Variants in OTP observed in about 807,000 individuals in gnomAD.
OTP encodes the protein orthopedia homeobox, also known as homeobox protein orthopedia.
Under a neutral mutation model 22.3 loss-of-function variants are expected in OTP, and 5 were observed. That is an observed-to-expected ratio of 0.22 (90% CI 0.12 to 0.47). OTP has a LOEUF of 0.47. OTP is among the 20% of genes least tolerant of loss of function. OTP has a pLI of 0.99. For synonymous variants in OTP, 229 were observed against 210.6 expected, an observed-to-expected ratio of 1.09 and a Z score of -0.76; for missense variants, 428 against 456.2, an observed-to-expected ratio of 0.94 and a Z score of 0.56.
chr5:77,637,171 C>G lies in OTP; in HGVS notation c.97G>C (p.Val33Leu), dbSNP rs374616762. Residue 33 changes from valine (V) to leucine (L), a missense_variant, in exon 2 of 3, where the codon GTG becomes CTG. Val to Leu is a conservative substitution (Grantham distance 32, BLOSUM62 1). This residue lies in a region of OTP where 176 missense variants were observed against 162.9 expected (regional missense o/e 1.08). Transcript: ENST00000306422. ...TGGCCCCCGGGGTCGGAGCCCCCCA[C>G]GCCCAGCCTACACTTCACCGCCTCC... ...HREAVKCRLG[V>L]GGSDPGGHPG... The G allele has an allele frequency of 6.4e-7, 1 of 1,571,950 alleles. No homozygotes were observed. Among genetic ancestry groups the G allele is most frequent in the South Asian group, 1.2e-5 (1 of 86,036 alleles).
Position 77,630,431 on chromosome 5 carries a change from G to T in OTP, c.811C>A (p.Pro271Thr). 1 of 1,580,940 alleles carries T rather than the reference G, an allele frequency of 6.3e-7. No homozygotes were observed. Residue 271 changes from proline to threonine, a missense_variant, in exon 3 of 3, where the codon CCC (proline) becomes ACC (threonine). Transcript: ENST00000306422. ...GAGLQSHLYQ[P>T]AFPGMVPASL... ...GCGGGCACCATGCCGGGGAAGGCGG[G>T]CTGGTAGAGGTGCGACTGCAGCCCC...
At chr5:77,632,104 ATT>A (rs11331444) in intron 2 of OTP, among the ~76,000 whole-genome samples, 2,643 of 147,974 alleles carry the variant, frequency 0.018, 55 homozygotes, top group African/African-American at 0.055. Flanking sequence ...CAGCCTTCCT[ATT>A]TTTTTTTTTT....
chr5:77,634,108 G>A (rs1333713168), intron 2 of OTP, among the ~76,000 whole-genome samples: 1 of 152,166 alleles, frequency 6.6e-6, no homozygotes, highest in African/African-American at 2.4e-5. Flanking sequence ...ATATTGAAAG[G>A]CAAGCCTGAC....
intron 1 of OTP, among the ~76,000 whole-genome samples, chr5:77,637,984 G>C (rs558875337): frequency 3.3e-5 from 5 of 152,304 alleles, no homozygotes; most frequent in African/African-American, 7.2e-5. Context: ...GCAGAAGAGG[G>C]GGGGATGACT....
chr5:77,630,235 G>C lies in OTP; in HGVS notation c.*29C>G. ...CGGGGCGGCCCCCGGGGCGGTGCTG[G>C]GGGCGGAGCGGGCCGGGGCGCGGCT... On this transcript the variant is annotated 3_prime_UTR_variant, in exon 3 of 3. Coordinates refer to ENST00000306422, the MANE Select transcript of OTP (RefSeq NM_032109.3). 2.0e-6 allele frequency: 3 copies of C among 1,466,000 alleles called. No homozygotes were observed. Among genetic ancestry groups the C allele is most frequent in the Non-Finnish European group, 2.7e-6 (3 of 1,110,798 alleles). The allele number at this position is 1,466,000 out of a possible 1,614,324, so 90.8% of individuals were successfully genotyped here.
rs1580061823 is a variant in OTP, at chr5:77,630,384, G to T, written c.858C>A (p.Asn286Lys). ...TGCAGAGCTGGGGCGAACCGGAGAC[G>T]TTGCTGGGGCCGGGGAGGGAGGCGG... ...MVPASLPGPS[N>K]VSGSPQLCSS... The change falls in exon 3 of 3, where the codon AAC becomes AAA. Residue 286 changes from asparagine (N) to lysine (K), a missense_variant. By Grantham distance (94) the Asn-to-Lys change is moderately conservative. Coordinates refer to ENST00000306422, the MANE Select transcript of OTP (RefSeq NM_032109.3). 7.0e-6 allele frequency: 11 copies of T among 1,579,784 alleles called. No individual in the cohort carries two copies. The highest frequency in any genetic ancestry group is 4.6e-5 in the East Asian group (2 of 43,910).
intron 1 of OTP, among the ~76,000 whole-genome samples, chr5:77,637,914 T>C (rs907636220): frequency 2.6e-5 from 4 of 152,154 alleles, no homozygotes; most frequent in African/African-American, 4.8e-5. Context: ...GATTTCAACT[T>C]TTCTTTCCAG....
At chr5:77,636,797 T>A in intron 2 of OTP, 24 bp downstream of exon 2, 1 of 1,591,614 alleles carries the variant, frequency 6.3e-7, no homozygotes, top group Non-Finnish European at 8.6e-7. Flanking sequence ...TTGCCTTCTG[T>A]CCCAGATCCC....
Position 77,638,664 on chromosome 5 carries a change from T to C in OTP, c.-115A>G. 9.7e-7 allele frequency: 1 copy of C among 1,025,826 alleles called. No individual in the cohort carries two copies. Among genetic ancestry groups the C allele is most frequent in the Non-Finnish European group, 1.3e-6 (1 of 748,002 alleles). The allele number at this position is 1,025,826 out of a possible 1,614,324, so 63.5% of individuals were successfully genotyped here. ...TATAGATATATATAGATCACCTAAA[T>C]GAAAGAAAATTCGGTTTGTGGTTAA... On this transcript the variant is annotated 5_prime_UTR_variant, in exon 1 of 3. Coordinates refer to ENST00000306422, the MANE Select transcript of OTP (RefSeq NM_032109.3).
At chr5:77,638,437 A>G in intron 1 of OTP, 76 bp downstream of exon 1, 2 of 1,394,314 alleles carry the variant, frequency 1.4e-6, no homozygotes, top group Admixed American at 4.0e-5. Flanking sequence ...GGTCGCATTA[A>G]GGTAAAATAA....
At position 77,638,476 on chromosome 5, in the gene OTP, C is replaced by T. The variant is rs1212560214; in HGVS notation, c.37+37G>A. 4 of 1,559,680 alleles carry T rather than the reference C, an allele frequency of 2.6e-6. No homozygotes were observed. The South Asian group carries it at 4.7e-5, about 18-fold the overall frequency. On this transcript the variant is annotated intron_variant, in intron 1 of 2. Transcript: ENST00000306422. Reference sequence around the variant, plus strand: ...ACAAATTGACAATTTCCTGCCCCGGCTTCTCCTGGCTGCCCGGGCGAGAGG... The same window carrying T: ...ACAAATTGACAATTTCCTGCCCCGGTTTCTCCTGGCTGCCCGGGCGAGAGG...
intron 2 of OTP, among the ~76,000 whole-genome samples, chr5:77,635,210 C>T (rs951055209): frequency 1.3e-5 from 2 of 152,046 alleles, no homozygotes; most frequent in African/African-American, 4.8e-5. Flanking sequence ...GGACAAAACC[C>T]CAAAATTTAT....
intron 2 of OTP, among the ~76,000 whole-genome samples, chr5:77,632,104 AT>A (rs11331444): frequency 0.85 from 125,394 of 148,260 alleles, 52,951 homozygotes; most frequent in East Asian, 0.98. Flanking sequence ...CAGCCTTCCT[AT>A]TTTTTTTTTT....
In OTP at chr5:77,638,461, A is replaced by T. The variant is rs540067542; in HGVS notation, c.37+52T>A. 2.6e-6 allele frequency: 4 copies of T among 1,542,520 alleles called. No individual in the cohort carries two copies. In the South Asian group the frequency reaches 4.8e-5, roughly 18 times the overall value. On this transcript the variant is annotated intron_variant, in intron 1 of 2. Transcript: ENST00000306422. ...AAGGTAAAATAAGGAACAAATTGACAATTTCCTGCCCCGGCTTCTCCTGGC... is the reference window on the plus strand; with the variant it reads ...AAGGTAAAATAAGGAACAAATTGACTATTTCCTGCCCCGGCTTCTCCTGGC...
intron 2 of OTP, chr5:77,636,511 G>C: frequency 3.0e-6 from 1 of 334,794 alleles, no homozygotes; most frequent in South Asian, 7.3e-5. Context: ...TGGGCCGCCC[G>C]GGGGGGCGCT....
chr5:77,630,869 C>G, intron 2 of OTP, 75 bp from the exon 3 acceptor site: 3 of 1,417,898 alleles, frequency 2.1e-6, no homozygotes, highest in Non-Finnish European at 2.8e-6. Flanking sequence ...GGCTTGAGCC[C>G]CAGAAACCCG....
chr5:77,630,620 G>T lies in OTP; in HGVS notation c.622C>A (p.Arg208Ser). 6.4e-7 allele frequency: 1 copy of T among 1,556,444 alleles called. No homozygotes were observed. Residue 208 changes from arginine to serine, a missense_variant, in exon 3 of 3, where the codon CGC (arginine) becomes AGC (serine). By Grantham distance (110) the Arg-to-Ser change is moderately radical. Around this residue, in one of 3 missense-constraint regions of OTP, gnomAD observed 236 missense variants for 238.1 expected, o/e 0.99. Transcript: ENST00000306422. ...CCAGGCATGGCGGCCGCCGCCCAGC[G>T]GGTGTCGTTGGCGTGGAAAGAGCAC... ...SLCSFHANDT[R>S]WAAAAMPGVS...
rs374616762 is a variant in OTP at position 77,637,171 on chromosome 5, C to A, written c.97G>T (p.Val33Leu). 109 of 1,571,950 alleles carry A rather than the reference C, an allele frequency of 6.9e-5. No homozygotes were observed. The highest frequency in any genetic ancestry group is 2.6e-4 in the Admixed American group (14 of 53,098). The change falls in exon 2 of 3, where the codon GTG becomes TTG. Residue 33 changes from valine (V) to leucine (L), a missense_variant. Around this residue, in one of 3 missense-constraint regions of OTP, gnomAD observed 176 missense variants for 162.9 expected, o/e 1.08. Coordinates refer to ENST00000306422, the MANE Select transcript of OTP (RefSeq NM_032109.3). ...HREAVKCRLG[V>L]GGSDPGGHPG... ...TGGCCCCCGGGGTCGGAGCCCCCCACGCCCAGCCTACACTTCACCGCCTCC... is the reference window on the plus strand; with the variant it reads ...TGGCCCCCGGGGTCGGAGCCCCCCAAGCCCAGCCTACACTTCACCGCCTCC...
Position 77,628,771 on chromosome 5 carries a change from C to G in OTP, c.*1493G>C, listed in dbSNP as rs1388819267. The G allele has an allele frequency of 1.3e-5, 2 of 152,224 alleles. No individual in the cohort carries two copies. Among genetic ancestry groups the G allele is most frequent in the Admixed American group, 1.3e-4 (2 of 15,270 alleles). The allele number at this position is 152,224 out of a possible 1,614,324, so 9.4% of individuals were successfully genotyped here. On this transcript the variant is annotated 3_prime_UTR_variant, in exon 3 of 3. Transcript: ENST00000306422. The stretch of plus-strand genomic sequence containing the variant: ...ACATTTAACTTGATATAAACTTGTC[C>G]GGAAAAGTCAAATAATATGCTTTAT...
Sources: gnomAD v4.1 joint callset for allele counts (sites outside exome capture counted in the v4.1 genomes callset) on GRCh38, gnomAD v4.1.1 for gene constraint, gnomAD v4.1.1 regional missense constraint, MANE v1.5 for transcripts, NCBI Gene and HGNC (gene_info 2026-07-23, HGNC 2026-07-21) for gene names.